MAML2: variants seen among roughly 807,000 people sequenced by gnomAD.
MAML2 encodes mastermind-like protein 2.
Under a neutral mutation model 96.1 loss-of-function variants are expected in MAML2, and 22 were observed. That is an observed-to-expected ratio of 0.23 (90% CI 0.16 to 0.33). The LOEUF (loss-of-function observed/expected upper bound fraction) is 0.33. MAML2 is among the 10% of genes least tolerant of loss of function. The pLI, the probability that MAML2 is intolerant of heterozygous loss-of-function variation, is 1.00. For missense variants in MAML2, 1,367 were observed against 1,392.4 expected (o/e 0.98, Z 0.29); for synonymous variants, 561 against 521.3 (o/e 1.08, Z -1.04).
chr11:96,333,383 A>G (rs149104303), intron 1 of MAML2, among the ~76,000 whole-genome samples: 9 of 152,226 alleles, frequency 5.9e-5, no homozygotes, highest in African/African-American at 2.2e-4. Flanking sequence ...ATTTTTGACT[A>G]CATTCTTTGC....
At chr11:96,085,969 T>C (rs967574651) in intron 2 of MAML2, among the ~76,000 whole-genome samples, 2 of 152,228 alleles carry the variant, frequency 1.3e-5, no homozygotes, top group African/African-American at 4.8e-5. Context: ...AGTTCTATTC[T>C]GTGAAAGGTT....
intron 1 of MAML2, among the ~76,000 whole-genome samples, chr11:96,323,372 A>G (rs528586902): frequency 3.9e-5 from 6 of 152,246 alleles, no homozygotes; most frequent in African/African-American, 1.4e-4. Context: ...AATATTCACC[A>G]CAGTAATGGT....
chr11:96,242,738 C>T lies in MAML2; in HGVS notation c.513+98645G>A, dbSNP rs139698753. Reference sequence around the variant, plus strand: ...CTCTGGCACTCAAGCACTGAAAAAGCAGGAGCATGATAAAGGGGAAAGGAT... The same window carrying T: ...CTCTGGCACTCAAGCACTGAAAAAGTAGGAGCATGATAAAGGGGAAAGGAT... On this transcript the variant is annotated intron_variant, in intron 1 of 4. Coordinates refer to ENST00000524717, the MANE Select transcript of MAML2 (RefSeq NM_032427.4). Among the ~76,000 whole-genome samples, 1,982 of 152,212 alleles carry T rather than the reference C, an allele frequency of 0.013. 91 individuals carry two copies. The South Asian group carries it at 0.16, about 12-fold the overall frequency.
chr11:96,133,746 C>A (rs913996223), intron 1 of MAML2, among the ~76,000 whole-genome samples: 2 of 152,154 alleles, frequency 1.3e-5, no homozygotes, highest in Non-Finnish European at 2.9e-5. Flanking sequence ...ATAATCCCAG[C>A]ACTTTGGGAG....
chr11:96,016,565 G>A (rs1858355987), intron 2 of MAML2, among the ~76,000 whole-genome samples: 1 of 152,138 alleles, frequency 6.6e-6, no homozygotes, highest in African/African-American at 2.4e-5. Flanking sequence ...ATACTGTCTA[G>A]CAGAGATATT....
chr11:96,330,699 T>C (rs1383082655), intron 1 of MAML2, among the ~76,000 whole-genome samples: 2 of 152,182 alleles, frequency 1.3e-5, no homozygotes, highest in Non-Finnish European at 2.9e-5. Flanking sequence ...TTGGTGCTGA[T>C]TAGAGTCGGG....
intron 2 of MAML2, among the ~76,000 whole-genome samples, chr11:96,038,193 T>C (rs959359997): frequency 1.3e-5 from 2 of 149,966 alleles, no homozygotes; most frequent in African/African-American, 2.4e-5. Flanking sequence ...GTGTGTTCTA[T>C]GGGAAAGGAA....
intron 2 of MAML2, among the ~76,000 whole-genome samples, chr11:95,999,176 A>C (rs1484583233): frequency 1.3e-5 from 2 of 152,194 alleles, no homozygotes; most frequent in Admixed American, 6.6e-5. Flanking sequence ...ATATTTAAAG[A>C]AATAGTATGT....
intron 1 of MAML2, among the ~76,000 whole-genome samples, chr11:96,302,974 T>C (rs1266635113): frequency 6.6e-6 from 1 of 152,224 alleles, no homozygotes; most frequent in Admixed American, 6.5e-5. Context: ...TCACTTTATT[T>C]TGGATTCTTT....
chr11:96,255,861 C>T (rs1862658819), intron 1 of MAML2, among the ~76,000 whole-genome samples: 1 of 144,428 alleles, frequency 6.9e-6, no homozygotes. Flanking sequence ...TTTCCCCCCA[C>T]CGCCTTTTTT....
At chr11:96,047,435 A>G (rs531747449) in intron 2 of MAML2, among the ~76,000 whole-genome samples, 4 of 152,178 alleles carry the variant, frequency 2.6e-5, no homozygotes, top group Non-Finnish European at 5.9e-5. Context: ...TGGGGTTAAT[A>G]AAATTTACTT....
At chr11:96,098,125 C>T (rs887398489) in intron 1 of MAML2, among the ~76,000 whole-genome samples, 3 of 152,088 alleles carry the variant, frequency 2.0e-5, no homozygotes, top group Non-Finnish European at 4.4e-5. Context: ...TAAAGGCATT[C>T]GGGACACAGG....
intron 1 of MAML2, among the ~76,000 whole-genome samples, chr11:96,296,566 C>T (rs1555036669): frequency 6.6e-6 from 1 of 152,156 alleles, no homozygotes; most frequent in Non-Finnish European, 1.5e-5. Flanking sequence ...TTGCTTGAAC[C>T]TGGGAGGTGG....
At chr11:96,095,701 G>C (rs1859814249) in intron 1 of MAML2, among the ~76,000 whole-genome samples, 1 of 152,184 alleles carries the variant, frequency 6.6e-6, no homozygotes, top group Non-Finnish European at 1.5e-5. Context: ...TGTTTTCTTT[G>C]ATACATTATG....
intron 1 of MAML2, among the ~76,000 whole-genome samples, chr11:96,096,182 G>GA (rs1859824116): frequency 2.0e-5 from 3 of 152,124 alleles, no homozygotes; most frequent in Admixed American, 6.5e-5. Context: ...CCACTGCTTT[G>GA]AAAAAACCTG....
intron 2 of MAML2, among the ~76,000 whole-genome samples, chr11:96,051,814 G>T (rs1291176189): frequency 6.6e-6 from 1 of 152,154 alleles, no homozygotes; most frequent in Admixed American, 6.5e-5. Context: ...GGATTTAATT[G>T]TCTATCAGTT....
intron 1 of MAML2, among the ~76,000 whole-genome samples, chr11:96,280,758 G>A (rs1330180016): frequency 1.3e-5 from 2 of 152,146 alleles, no homozygotes; most frequent in African/African-American, 2.4e-5. Flanking sequence ...AATGATGAGT[G>A]GTAGCTAAAA....
In MAML2 at chr11:96,274,191, T is replaced by G. The variant is rs1237847655; in HGVS notation, c.513+67192A>C. Among the ~76,000 whole-genome samples the G allele has an allele frequency of 2.6e-5, 4 of 151,504 alleles. No individual in the cohort carries two copies. In the East Asian group the frequency reaches 7.8e-4, roughly 30 times the overall value. ...TCCGCCTCGCGGGTTCACGCCATTTTCCTGCGTGAGCCTTTCTGCTAGCTG... is the reference window on the plus strand; with the variant it reads ...TCCGCCTCGCGGGTTCACGCCATTTGCCTGCGTGAGCCTTTCTGCTAGCTG... On this transcript the variant is annotated intron_variant, in intron 1 of 4. Coordinates refer to ENST00000524717, the MANE Select transcript of MAML2 (RefSeq NM_032427.4).
intron 2 of MAML2, among the ~76,000 whole-genome samples, chr11:96,043,154 C>T (rs182297041): frequency 7.4e-4 from 113 of 152,274 alleles, no homozygotes; most frequent in Non-Finnish European, 1.4e-3. Context: ...TATTACTTTA[C>T]TTTTATATCA....
Sources: gnomAD v4.1 joint callset for allele counts (sites outside exome capture counted in the v4.1 genomes callset) on GRCh38, gnomAD v4.1.1 for gene constraint, MANE v1.5 for transcripts, NCBI Gene and HGNC (gene_info 2026-07-23, HGNC 2026-07-21) for gene names.